The following APC variants were observed in gnomAD, a reference collection of about 807,000 sequenced individuals.
The protein encoded by APC is adenomatous polyposis coli protein.
A neutral mutation model predicts 247.0 loss-of-function variants in APC; 72 were observed. The observed-to-expected ratio is 0.29, with a 90% CI of 0.24 to 0.35. APC has a LOEUF of 0.35. Among genes scored for constraint, APC ranks in the 10% least tolerant of loss-of-function variants. The pLI is 1.00. For missense variants in APC, 3,400 were observed against 3,360.7 expected, an observed-to-expected ratio of 1.01 and a Z score of -0.29; for synonymous variants, 1,254 against 1,162.5, an observed-to-expected ratio of 1.08 and a Z score of -1.60.
chr5:112,835,104 G>T lies in APC; in HGVS notation c.1897G>T (p.Glu633Ter), dbSNP rs1764730705. Reference protein sequence around the residue: ...RSQTNTLAIIESGGGILRNVS... With the variant: ...RSQTNTLAII ...CCAGACAAACACTTTAGCCATTATTGAAAGTGGAGGTGGGATATTACGGAA... is the reference window on the plus strand; with the variant it reads ...CCAGACAAACACTTTAGCCATTATTTAAAGTGGAGGTGGGATATTACGGAA... Residue 633 changes from glutamate to a stop codon, truncating the protein, a stop_gained, in exon 15 of 16, where the codon GAA becomes TAA. Transcript: ENST00000257430. LOFTEE classifies it high-confidence loss of function. 6.2e-7 allele frequency: 1 copy of T among 1,614,138 alleles called. No individual in the cohort carries two copies. Among genetic ancestry groups the T allele is most frequent in the Non-Finnish European group, 8.5e-7 (1 of 1,180,008 alleles).
intron 1 of APC, among the ~76,000 whole-genome samples, chr5:112,739,473 A>C (rs1752733841): frequency 6.6e-6 from 1 of 152,262 alleles, no homozygotes; most frequent in Admixed American, 6.5e-5. Flanking sequence ...TAGATAAATA[A>C]GACTACATAA....
At chr5:112,833,224 C>G (rs933160777) in intron 14 of APC, among the ~76,000 whole-genome samples, 5 of 147,150 alleles carry the variant, frequency 3.4e-5, no homozygotes, top group Non-Finnish European at 7.4e-5. Context: ...GCTCTGTCAC[C>G]TAGGCTGGAG....
At chr5:112,733,571 A>T (rs1230303351), upstream of APC, among the ~76,000 whole-genome samples, 1 of 152,186 alleles carries the variant, frequency 6.6e-6, no homozygotes, top group East Asian at 1.9e-4. Context: ...GCCAGAAAGG[A>T]TAAGGAAACA....
At chr5:112,725,635 C>T (rs978318846) in intron 1 of APC, among the ~76,000 whole-genome samples, 1 of 151,892 alleles carries the variant, frequency 6.6e-6, no homozygotes, top group African/African-American at 2.4e-5. Flanking sequence ...GTAGTGCAGG[C>T]CTGTAGTCCC....
At chr5:112,749,479 A>ATTTCTTTT (rs1554066140) in intron 1 of APC, among the ~76,000 whole-genome samples, 1 of 104,066 alleles carries the variant, frequency 9.6e-6, no homozygotes, top group African/African-American at 3.6e-5. Flanking sequence ...TACTGCTCCA[A>ATTTCTTTT]TTTTTTTTTT....
intron 8 of APC, among the ~76,000 whole-genome samples, chr5:112,802,511 T>C (rs1051085370): frequency 1.8e-4 from 27 of 152,164 alleles, no homozygotes; most frequent in Non-Finnish European, 3.2e-4. Flanking sequence ...CTACTCGTAG[T>C]GCTTTGGGTC....
intron 9 of APC, among the ~76,000 whole-genome samples, chr5:112,818,376 G>A (rs1236202155): frequency 6.6e-6 from 1 of 152,032 alleles, no homozygotes; most frequent in Admixed American, 6.6e-5. Context: ...ACAAATCCTG[G>A]CTCTCACTCT....
intron 15 of APC, among the ~76,000 whole-genome samples, chr5:112,836,165 T>TGCCC (rs1554083526): frequency 4.1e-5 from 1 of 24,478 alleles, no homozygotes; most frequent in Non-Finnish European, 8.5e-5. Context: ...GGATTACAGG[T>TGCCC]CCCCCCCCCC....
chr5:112,798,154 T>C (rs1430715531), intron 7 of APC, among the ~76,000 whole-genome samples: 1 of 152,234 alleles, frequency 6.6e-6, no homozygotes, highest in Non-Finnish European at 1.5e-5. Context: ...TTTTTCATAA[T>C]AGCCTCAAAG....
At chr5:112,798,072 A>G (rs1760399066) in intron 7 of APC, among the ~76,000 whole-genome samples, 2 of 152,226 alleles carry the variant, frequency 1.3e-5, no homozygotes, top group Non-Finnish European at 2.9e-5. Flanking sequence ...ACTCCTAGGT[A>G]TCTGGCCAAG....
chr5:112,750,280 A>G (rs527897750), intron 1 of APC, among the ~76,000 whole-genome samples: 2 of 152,242 alleles, frequency 1.3e-5, no homozygotes, highest in Non-Finnish European at 2.9e-5. Context: ...TTGCTTTTCA[A>G]ACTCTTCAAA....
intron 8 of APC, among the ~76,000 whole-genome samples, chr5:112,808,585 C>T (rs1761662189): frequency 6.6e-6 from 1 of 152,098 alleles, no homozygotes; most frequent in East Asian, 1.9e-4. Flanking sequence ...TAGGCACTCA[C>T]CACCATGCCC....
At chr5:112,783,190 A>C (rs1758541418) in intron 6 of APC, among the ~76,000 whole-genome samples, 1 of 152,158 alleles carries the variant, frequency 6.6e-6, no homozygotes, top group Non-Finnish European at 1.5e-5. Flanking sequence ...TATTCCAGAC[A>C]TTTTATATCC....
chr5:112,762,707 C>G, intron 2 of APC, among the ~76,000 whole-genome samples: 1 of 152,148 alleles, frequency 6.6e-6, no homozygotes, highest in East Asian at 1.9e-4. Flanking sequence ...GTAAAAGGAG[C>G]TTGAGGGAAC....
chr5:112,769,050 C>CTTTTTTTTTTTTT (rs11379766), intron 4 of APC, among the ~76,000 whole-genome samples: 135 of 96,782 alleles, frequency 1.4e-3, no homozygotes, highest in Non-Finnish European at 1.7e-3. Flanking sequence ...TTTTTTTCTT[C>CTTTTTTTTTTTTT]TTTTTTTTTT....
chr5:112,843,869 C>T lies in APC; in HGVS notation c.8275C>T (p.Arg2759Cys), dbSNP rs755366812. Residue 2759 changes from arginine (R) to cysteine (C), a missense_variant, in exon 16 of 16, where the codon CGT becomes TGT. By Grantham distance (180) the Arg-to-Cys change is radical. Coordinates refer to ENST00000257430, the MANE Select transcript of APC (RefSeq NM_000038.6). The surrounding 1 kb of genome is among the most constrained non-coding windows in gnomAD (Gnocchi z 4.8). ...SETNESSIVE[R>C]TPFSSSSSSK... ...GACTAATGAAAGTTCTATAGTGGAA[C>T]GTACCCCATTCAGTTCTAGCAGCTC... is the stretch of plus-strand genomic sequence containing the variant. 3 of 1,613,904 alleles carry T rather than the reference C, an allele frequency of 1.9e-6. No homozygotes were observed. The highest frequency in any genetic ancestry group is 2.2e-5 in the East Asian group (1 of 44,872).
At chr5:112,803,725 ACAGT>A (rs1265920461) in intron 8 of APC, among the ~76,000 whole-genome samples, 1 of 152,226 alleles carries the variant, frequency 6.6e-6, no homozygotes, top group African/African-American at 2.4e-5. Context: ...AAAAGGACAG[ACAGT>A]CCTTGGCCTC....
chr5:112,814,662 G>C (rs186064687), intron 8 of APC, among the ~76,000 whole-genome samples: 1 of 152,042 alleles, frequency 6.6e-6, no homozygotes, highest in Non-Finnish European at 1.5e-5. Context: ...TGATCTCTCC[G>C]TGCTGTTTTT....
chr5:112,818,929 A>G, intron 9 of APC, 37 bp from the exon 10 acceptor site: 1 of 1,611,270 alleles, frequency 6.2e-7, no homozygotes, highest in Non-Finnish European at 8.5e-7. Flanking sequence ...TGGATATTAA[A>G]GTCGTAATTT....
Sources: gnomAD v4.1 joint callset for allele counts (sites outside exome capture counted in the v4.1 genomes callset) on GRCh38, gnomAD v4.1.1 for gene constraint, Gnocchi (gnomAD v3.1) non-coding constraint, MANE v1.5 for transcripts, NCBI Gene and HGNC (gene_info 2026-07-23, HGNC 2026-07-21) for gene names.